SEMA5A: variants seen among roughly 807,000 people sequenced by gnomAD.
SEMA5A encodes semaphorin 5A.
SEMA5A carries 55 observed loss-of-function variants against 135.5 expected under a neutral mutation model. That is an observed-to-expected ratio of 0.41 (90% CI 0.33 to 0.51). The LOEUF (loss-of-function observed/expected upper bound fraction) is 0.51. Among genes scored for constraint, SEMA5A ranks in the 20% least tolerant of loss-of-function variants. The probability of loss-of-function intolerance (pLI) is 0.37; values close to 1 mark genes in which losing one functional copy is unlikely to be tolerated. For synonymous variants in SEMA5A, 580 were observed against 546.5 expected (o/e 1.06, Z -0.85); for missense variants, 1,290 against 1,419.9 (o/e 0.91, Z 1.47).
At chr5:9,449,794 T>C (rs993723895) in intron 1 of SEMA5A, among the ~76,000 whole-genome samples, 2 of 152,054 alleles carry the variant, frequency 1.3e-5, no homozygotes, top group Non-Finnish European at 2.9e-5. Flanking sequence ...GGTGCCTGGG[T>C]AACGTTTGGC....
At chr5:9,063,190 G>C in intron 17 of SEMA5A, 85 bp from the exon 18 acceptor site, 1 of 1,315,014 alleles carries the variant, frequency 7.6e-7, no homozygotes, top group Non-Finnish European at 1.1e-6. Flanking sequence ...TGTATCTGCT[G>C]TCTGCCTTAT....
rs933795508 is a variant in SEMA5A at position 9,267,883 on chromosome 5, C to T, written c.271-29993G>A. Among the ~76,000 whole-genome samples the T allele has an allele frequency of 1.5e-4, 23 of 151,998 alleles. 1 individual carries two copies. The highest frequency in any genetic ancestry group is 3.2e-4 in the Non-Finnish European group (22 of 68,000). On this transcript the variant is annotated intron_variant, in intron 5 of 22. Coordinates refer to ENST00000382496, the MANE Select transcript of SEMA5A (RefSeq NM_003966.3). The stretch of plus-strand genomic sequence containing the variant: ...GGTTTTATTATACTATTCTCTTTAC[C>T]TTTGTCTATGATTGAAATTTTTCAT...
intron 16 of SEMA5A, among the ~76,000 whole-genome samples, chr5:9,100,070 G>C (rs1436197485): frequency 4.6e-5 from 7 of 152,212 alleles, no homozygotes; most frequent in African/African-American, 1.7e-4. Flanking sequence ...ATGCCTGGCA[G>C]AAAGTGGAGT....
At chr5:9,403,677 C>T (rs953049407) in intron 2 of SEMA5A, among the ~76,000 whole-genome samples, 1 of 152,158 alleles carries the variant, frequency 6.6e-6, no homozygotes, top group East Asian at 1.9e-4. Context: ...CCATCTCATG[C>T]TCTGCTGAAA....
intron 11 of SEMA5A, among the ~76,000 whole-genome samples, chr5:9,155,771 C>T (rs775145317): frequency 6.6e-6 from 1 of 152,178 alleles, no homozygotes; most frequent in Non-Finnish European, 1.5e-5. Flanking sequence ...GGATAAAATA[C>T]TTTACATTTT....
intron 1 of SEMA5A, among the ~76,000 whole-genome samples, chr5:9,463,540 A>G (rs1168445571): frequency 6.6e-6 from 1 of 152,096 alleles, no homozygotes; most frequent in East Asian, 1.9e-4. Context: ...TGAAGTTGCT[A>G]TAGAAATAAA....
At chr5:9,439,688 A>G (rs1168784477) in intron 1 of SEMA5A, among the ~76,000 whole-genome samples, 1 of 152,204 alleles carries the variant, frequency 6.6e-6, no homozygotes, top group Non-Finnish European at 1.5e-5. Context: ...AATCAGTAAC[A>G]CAACCAGAGA....
intron 5 of SEMA5A, among the ~76,000 whole-genome samples, chr5:9,294,336 C>T (rs1489617796): frequency 6.6e-6 from 1 of 152,178 alleles, no homozygotes; most frequent in South Asian, 2.1e-4. Flanking sequence ...CAACCATGGG[C>T]CACTTTCCAT....
At chr5:9,093,464 T>C (rs1739146611) in intron 16 of SEMA5A, among the ~76,000 whole-genome samples, 1 of 152,070 alleles carries the variant, frequency 6.6e-6, no homozygotes, top group Non-Finnish European at 1.5e-5. Flanking sequence ...ATCCCAGCAC[T>C]TTGGGAGGCT....
intron 8 of SEMA5A, among the ~76,000 whole-genome samples, chr5:9,206,653 C>G (rs542588797): frequency 2.6e-5 from 4 of 151,906 alleles, no homozygotes; most frequent in African/African-American, 9.7e-5. Context: ...TATTTGTACA[C>G]AATGGGAATG....
chr5:9,360,733 C>T (rs1754654903), intron 3 of SEMA5A, among the ~76,000 whole-genome samples: 1 of 152,128 alleles, frequency 6.6e-6, no homozygotes. Context: ...ATCCATGAAG[C>T]CATGTATTAG....
intron 2 of SEMA5A, among the ~76,000 whole-genome samples, chr5:9,412,426 G>A (rs756023559): frequency 1.3e-5 from 2 of 150,568 alleles, no homozygotes; most frequent in Non-Finnish European, 2.9e-5. Context: ...TAAACTCTCA[G>A]ATCAGGACTG....
At chr5:9,119,703 C>T (rs1266203730) in intron 14 of SEMA5A, among the ~76,000 whole-genome samples, 1 of 151,968 alleles carries the variant, frequency 6.6e-6, no homozygotes, top group African/African-American at 2.4e-5. Flanking sequence ...AGCTTTAAAA[C>T]GAAAATGTTG....
intron 4 of SEMA5A, among the ~76,000 whole-genome samples, chr5:9,330,153 G>T (rs1753057518): frequency 6.6e-6 from 1 of 151,998 alleles, no homozygotes. Context: ...ACAGATGGGA[G>T]GCCGAGGTGG....
intron 11 of SEMA5A, among the ~76,000 whole-genome samples, chr5:9,158,303 T>G (rs1743064601): frequency 6.6e-6 from 1 of 152,104 alleles, no homozygotes; most frequent in Admixed American, 6.6e-5. Flanking sequence ...CAACCCAAGA[T>G]GTCATAAACT....
chr5:9,074,720 A>G (rs1403114208), intron 16 of SEMA5A, among the ~76,000 whole-genome samples: 1 of 152,240 alleles, frequency 6.6e-6, no homozygotes, highest in Admixed American at 6.5e-5. Context: ...TGGCAAAACA[A>G]GCGTATGTAA....
intron 1 of SEMA5A, among the ~76,000 whole-genome samples, chr5:9,445,486 A>C (rs1758399134): frequency 6.6e-6 from 1 of 151,952 alleles, no homozygotes; most frequent in African/African-American, 2.4e-5. Flanking sequence ...TGGCTAACAC[A>C]GTGAAACCCT....
At chr5:9,149,371 C>T (rs185852235) in intron 12 of SEMA5A, among the ~76,000 whole-genome samples, 14 of 152,158 alleles carry the variant, frequency 9.2e-5, no homozygotes, top group Admixed American at 5.2e-4. Context: ...GGGCCAGGTG[C>T]GGTGGCCTAT....
chr5:9,517,525 A>C (rs575149609), intron 1 of SEMA5A: 10 of 152,350 alleles, frequency 6.6e-5, no homozygotes, highest in Non-Finnish European at 1.5e-4. Context: ...AATCAGTGGA[A>C]TAAACACCAG....
Sources: allele counts gnomAD v4.1 joint callset (sites outside exome capture counted in the v4.1 genomes callset), GRCh38; gene constraint gnomAD v4.1.1; transcripts MANE v1.5; gene names NCBI Gene and HGNC (gene_info 2026-07-23, HGNC 2026-07-21).